The following IARS1 variants were observed in gnomAD, a reference collection of about 807,000 sequenced individuals.
IARS1 encodes the protein isoleucine--tRNA ligase, cytoplasmic.
IARS1 carries 124 observed loss-of-function variants against 168.2 expected under a neutral mutation model. That is an observed-to-expected ratio of 0.74 (90% CI 0.64 to 0.86). The LOEUF (loss-of-function observed/expected upper bound fraction) is 0.86, where lower values mean the gene tolerates loss of function less well. Among genes scored for constraint, IARS1 ranks in the 40% least tolerant of loss-of-function variants. The pLI is 0.00. For synonymous variants in IARS1, 532 were observed against 529.4 expected, an observed-to-expected ratio of 1.00 and a Z score of -0.07; for missense variants, 1,452 against 1,515.8, an observed-to-expected ratio of 0.96 and a Z score of 0.70.
At chr9:92,222,430 C>A in intron 33 of IARS1, 90 bp downstream of exon 33, 3 of 815,476 alleles carry the variant, frequency 3.7e-6, no homozygotes, top group South Asian at 1.9e-5. Flanking sequence ...AACAATAGTA[C>A]TATCTTACAT....
intron 33 of IARS1, among the ~76,000 whole-genome samples, chr9:92,212,854 T>G (rs970783667): frequency 2.6e-5 from 4 of 152,036 alleles, no homozygotes; most frequent in Non-Finnish European, 5.9e-5. Context: ...AAGGGAAGAT[T>G]CTGAGGCATA....
chr9:92,223,198 A>G, intron 32 of IARS1, 148 bp downstream of exon 32: 1 of 558,946 alleles, frequency 1.8e-6, no homozygotes, highest in Non-Finnish European at 2.8e-6. Context: ...CCAAAAGAAA[A>G]GCCTGTGGTT....
chr9:92,256,910 C>G, intron 19 of IARS1, 110 bp from the exon 20 acceptor site: 1 of 996,184 alleles, frequency 1.0e-6, no homozygotes, highest in Non-Finnish European at 1.4e-6. Context: ...AATCCCAGAC[C>G]CTACTGGCAA....
intron 22 of IARS1, 177 bp from the exon 23 acceptor site, chr9:92,251,011 A>AT: frequency 1.5e-5 from 10 of 662,614 alleles, no homozygotes; most frequent in Non-Finnish European, 2.7e-5. Flanking sequence ...CCTGAAGCAT[A>AT]GCTGCAGGAC....
At chr9:92,227,381 GC>G in intron 31 of IARS1, among the ~76,000 whole-genome samples, 1 of 143,512 alleles carries the variant, frequency 7.0e-6, no homozygotes, top group Non-Finnish European at 1.5e-5. Flanking sequence ...AGTAGGGGCG[GC>G]CGGGCAGAGG....
chr9:92,240,962 C>T lies in IARS1; in HGVS notation c.3178-1G>A, dbSNP rs764990499. 6.3e-7 allele frequency: 1 copy of T among 1,588,582 alleles called. No individual in the cohort carries two copies. Among genetic ancestry groups the T allele is most frequent in the Admixed American group, 1.7e-5 (1 of 59,920 alleles). On this transcript the variant is annotated splice_acceptor_variant, in intron 29 of 33. Coordinates refer to ENST00000443024, the MANE Select transcript of IARS1 (RefSeq NM_002161.6). LOFTEE classifies it high-confidence loss of function. ...TAATTTCCAGTTCAGATCCCTTCAA[C>T]TGAGCACATGAGAACGTATGACTGA... is the stretch of plus-strand genomic sequence containing the variant.
At chr9:92,251,102 G>C (rs1829950179) in intron 22 of IARS1, 1 of 505,382 alleles carries the variant, frequency 2.0e-6, no homozygotes, top group Non-Finnish European at 3.9e-6. Flanking sequence ...TGATGTATCA[G>C]CCAAGTCAAT....
intron 17 of IARS1, 46 bp downstream of exon 17, chr9:92,262,923 C>T: frequency 7.3e-7 from 1 of 1,364,856 alleles, no homozygotes; most frequent in African/African-American, 1.4e-5. Context: ...TCTTAAGAAA[C>T]AGTGGAGACA....
intron 22 of IARS1, 91 bp downstream of exon 22, chr9:92,251,717 A>G: frequency 1.2e-6 from 1 of 850,336 alleles, no homozygotes; most frequent in South Asian, 1.4e-5. Context: ...AGAATAATAC[A>G]GAATGGATAT....
At chr9:92,224,799 C>T (rs1825378544) in intron 31 of IARS1, among the ~76,000 whole-genome samples, 1 of 151,934 alleles carries the variant, frequency 6.6e-6, no homozygotes, top group East Asian at 1.9e-4. Flanking sequence ...AGCCACTGCA[C>T]TCCAGCCTGA....
intron 19 of IARS1, 89 bp from the exon 20 acceptor site, chr9:92,256,889 CAAAAAG>C: frequency 1.5e-6 from 2 of 1,292,076 alleles, no homozygotes; most frequent in Non-Finnish European, 2.1e-6. Flanking sequence ...TAAACAAAAA[CAAAAAG>C]AAAAAATCCC....
intron 20 of IARS1, among the ~76,000 whole-genome samples, chr9:92,255,097 G>A (rs569362413): frequency 6.6e-6 from 1 of 152,208 alleles, no homozygotes; most frequent in South Asian, 2.1e-4. Flanking sequence ...TGCTGCCCTC[G>A]CCAGGGCAGC....
intron 33 of IARS1, among the ~76,000 whole-genome samples, chr9:92,217,803 G>C (rs995361591): frequency 3.9e-5 from 6 of 152,006 alleles, no homozygotes; most frequent in Admixed American, 3.9e-4. Context: ...ACCAAAAAGA[G>C]TCCAGGACCA....
At chr9:92,212,196 C>T (rs1189786291) in intron 33 of IARS1, among the ~76,000 whole-genome samples, 1 of 152,100 alleles carries the variant, frequency 6.6e-6, no homozygotes, top group Non-Finnish European at 1.5e-5. Context: ...AGCAAGAAGA[C>T]ATCTAAGGGT....
At chr9:92,252,127 C>T (rs1481595590) in intron 21 of IARS1, among the ~76,000 whole-genome samples, 1 of 152,182 alleles carries the variant, frequency 6.6e-6, no homozygotes, top group Non-Finnish European at 1.5e-5. Flanking sequence ...ACTGACTATC[C>T]CCACCTGAGG....
Position 92,213,714 on chromosome 9 carries a change from A to C in IARS1, c.3707-2825T>G, listed in dbSNP as rs551682312. On this transcript the variant is annotated intron_variant, in intron 33 of 33. Coordinates refer to ENST00000443024, the MANE Select transcript of IARS1 (RefSeq NM_002161.6). Reference sequence around the variant, plus strand: ...TTTGTTGCAGCAGCCACAGAAACCAATACAGAGAAAATCACCTCACTTAGC... The same window carrying C: ...TTTGTTGCAGCAGCCACAGAAACCACTACAGAGAAAATCACCTCACTTAGC... Among the ~76,000 whole-genome samples the C allele has an allele frequency of 7.2e-5, 11 of 152,322 alleles. No homozygotes were observed. The South Asian group carries it at 1.7e-3, about 23-fold the overall frequency.
At chr9:92,285,239 A>G (rs188949611) in intron 6 of IARS1, among the ~76,000 whole-genome samples, 12 of 152,342 alleles carry the variant, frequency 7.9e-5, no homozygotes, top group Admixed American at 5.9e-4. Context: ...AACATCAAAC[A>G]TGTCTAAACA....
intron 20 of IARS1, 99 bp from the exon 21 acceptor site, chr9:92,253,552 C>T (rs1202394804): frequency 2.8e-6 from 2 of 723,142 alleles, no homozygotes; most frequent in Admixed American, 4.8e-5. Context: ...CTCCTTCCAT[C>T]CAAGTGCCTC....
chr9:92,214,416 G>A (rs1171565282), intron 33 of IARS1, among the ~76,000 whole-genome samples: 2 of 152,068 alleles, frequency 1.3e-5, no homozygotes, highest in Non-Finnish European at 1.5e-5. Flanking sequence ...ATTGGGGGAG[G>A]AGCCAAGATG....
Sources: gnomAD v4.1 joint callset for allele counts (sites outside exome capture counted in the v4.1 genomes callset) on GRCh38, gnomAD v4.1.1 for gene constraint, MANE v1.5 for transcripts, NCBI Gene and HGNC (gene_info 2026-07-23, HGNC 2026-07-21) for gene names.